SKOR2: variants seen among roughly 807,000 people sequenced by gnomAD.
SKOR2 encodes the protein SKI family transcriptional corepressor 2.
Under a neutral mutation model 69.1 loss-of-function variants are expected in SKOR2, and 47 were observed. The ratio of observed to expected loss-of-function variants is 0.68; its 90% CI spans 0.54 to 0.87. SKOR2 has a LOEUF of 0.87. SKOR2 is among the 40% of genes least tolerant of loss of function. The pLI is 0.00. For synonymous variants in SKOR2, 717 were observed against 672.6 expected (o/e 1.07, Z -1.02); for missense variants, 1,404 against 1,472.2 (o/e 0.95, Z 0.76).
At chr18:47,236,922 T>C (rs577982379) in intron 4 of SKOR2, among the ~76,000 whole-genome samples, 73 of 152,288 alleles carry the variant, frequency 4.8e-4, no homozygotes, top group African/African-American at 1.6e-3. Context: ...TTGTACCTGA[T>C]GTTCTAGTGT....
In SKOR2 at chr18:47,248,077, ACCCGCCCCCGCG is replaced by A. The variant is rs1225069091; in HGVS notation, c.1095_1106del (p.Gly371_Ala374del). 1.4e-6 allele frequency: 2 copies of A among 1,386,852 alleles called. No individual in the cohort carries two copies. The highest frequency in any genetic ancestry group is 9.3e-7 in the Non-Finnish European group (1 of 1,072,154). The allele number at this position is 1,386,852 out of a possible 1,614,324, so 85.9% of individuals were successfully genotyped here. On this transcript the variant is annotated inframe_deletion, in exon 2 of 9. Coordinates refer to ENST00000425639, the MANE Select transcript of SKOR2 (RefSeq NM_001278063.4). This position sits in a 1 kb window ranked among gnomAD's most constrained non-coding sequence, Gnocchi z 6.4. Reference sequence around the variant, plus strand: ...GCGGGCCTTTGGCCCCTGCCCCGGCACCCGCCCCCGCGCCCGCGCCCACGCCCACGCCGGCCA... The same window carrying A: ...GCGGGCCTTTGGCCCCTGCCCCGGCACCCGCGCCCACGCCCACGCCGGCCA...
intron 4 of SKOR2, among the ~76,000 whole-genome samples, chr18:47,238,546 C>T (rs1011171505): frequency 1.3e-5 from 2 of 152,122 alleles, no homozygotes; most frequent in African/African-American, 2.4e-5. Context: ...TGGTCTTGAA[C>T]TCCTGACCTC....
intron 2 of SKOR2, 129 bp from the exon 3 acceptor site, chr18:47,245,690 G>T: frequency 3.9e-6 from 3 of 761,666 alleles, no homozygotes; most frequent in Non-Finnish European, 5.9e-6. Flanking sequence ...ATTTTTTGAC[G>T]ATTATTCTTT....
intron 8 of SKOR2, among the ~76,000 whole-genome samples, chr18:47,209,933 T>TA (rs893419655): frequency 4.0e-5 from 6 of 151,770 alleles, no homozygotes; most frequent in Admixed American, 6.6e-5. Flanking sequence ...CTTTACAAAA[T>TA]AAAAAAAATT....
In SKOR2 at chr18:47,230,831, GC is replaced by G. The variant is rs1346425977; in HGVS notation, c.2818+103del. On this transcript the variant is annotated intron_variant, in intron 5 of 8. Transcript: ENST00000425639. ...ATGGTCCATATATTATTCATATGTT[GC>G]TTGTCAAGCTAAAAATATGGTGGAG... The G allele has an allele frequency of 4.4e-6, 5 of 1,135,018 alleles. No homozygotes were observed. The Admixed American group carries it at 1.1e-4, about 25-fold the overall frequency. 70.3% of individuals were successfully genotyped at this position (1,135,018 alleles called of 1,614,324 possible).
At chr18:47,209,689 G>C (rs950664147) in intron 8 of SKOR2, among the ~76,000 whole-genome samples, 7 of 152,042 alleles carry the variant, frequency 4.6e-5, no homozygotes, top group African/African-American at 1.7e-4. Flanking sequence ...GTAGTTTCTG[G>C]GCAGTGAGTC....
rs1457448436 is a variant in SKOR2 at position 47,245,562 on chromosome 18, CTG to C, written c.2614-3_2614-2del. The C allele has an allele frequency of 2.1e-6, 3 of 1,420,936 alleles. No homozygotes were observed. Among genetic ancestry groups the C allele is most frequent in the Non-Finnish European group, 1.8e-6 (2 of 1,087,176 alleles). The allele number at this position is 1,420,936 out of a possible 1,614,324, so 88.0% of individuals were successfully genotyped here. ...GGTTATTTTCCTTAGTTTTCTGACT[CTG>C]TGTGGAAAAGAATTAGACATACAAA... On this transcript the variant is annotated splice_acceptor_variant and splice_polypyrimidine_tract_variant and intron_variant, in intron 2 of 8. Coordinates refer to ENST00000425639, the MANE Select transcript of SKOR2 (RefSeq NM_001278063.4). LOFTEE classifies it high-confidence loss of function.
intron 6 of SKOR2, among the ~76,000 whole-genome samples, chr18:47,227,022 A>G (rs977877945): frequency 6.6e-6 from 1 of 152,122 alleles, no homozygotes; most frequent in Non-Finnish European, 1.5e-5. Context: ...CATCAGGGCT[A>G]TGCATAAGTA....
chr18:47,236,825 T>C (rs1032340818), intron 4 of SKOR2, among the ~76,000 whole-genome samples: 2 of 152,098 alleles, frequency 1.3e-5, no homozygotes, highest in Non-Finnish European at 1.5e-5. Flanking sequence ...TTTTCTTCCA[T>C]AAGGCTTTTT....
At chr18:47,216,777 A>G (rs2064145345) in intron 7 of SKOR2, among the ~76,000 whole-genome samples, 1 of 152,152 alleles carries the variant, frequency 6.6e-6, no homozygotes, top group Admixed American at 6.5e-5. Context: ...TGACTGCAAG[A>G]TAGAGTGGGC....
In SKOR2 at chr18:47,247,453, C is replaced by T. The variant is rs1243277401; in HGVS notation, c.1731G>A (p.Ala577=). The change falls in exon 2 of 9, where the codon GCG becomes GCA. Residue 577 remains alanine, a synonymous_variant. Transcript: ENST00000425639. This position sits in a 1 kb window ranked among gnomAD's most constrained non-coding sequence, Gnocchi z 6.6. ...GDCSAGSTPP[A]DSVAAAGAGA... is the part of the protein sequence containing the mutation. The stretch of plus-strand genomic sequence containing the variant: ...CTGCCCCGGCAGCTGCCACAGAGTC[C>T]GCGGGCGGCGTGGAGCCCGCGCTGC... The T allele has an allele frequency of 4.0e-6, 5 of 1,240,306 alleles. No homozygotes were observed. The highest frequency in any genetic ancestry group is 5.0e-6 in the Non-Finnish European group (5 of 993,194). 76.8% of individuals were successfully genotyped at this position (1,240,306 alleles called of 1,614,324 possible). A position where few individuals can be genotyped will look rare whatever the true frequency, so the allele number is the denominator to read the frequency against.
At chr18:47,212,955 C>T (rs1331625944) in intron 7 of SKOR2, among the ~76,000 whole-genome samples, 2 of 152,170 alleles carry the variant, frequency 1.3e-5, no homozygotes, top group Admixed American at 6.5e-5. Context: ...CAGAGCAAGA[C>T]CCCTTCTCTC....
At chr18:47,246,181 G>A (rs1335642733) in intron 2 of SKOR2, among the ~76,000 whole-genome samples, 1 of 152,184 alleles carries the variant, frequency 6.6e-6, no homozygotes, top group South Asian at 2.1e-4. Context: ...GAAGAAAAGG[G>A]GTAGGGTGAT....
chr18:47,248,421 G>C lies in SKOR2; in HGVS notation c.763C>G (p.Pro255Ala), dbSNP rs1419559587. ...GCGGCCGCCTTCACAGAGCTGAGCG[G>C]GTGGCAGGCGGGGTGCGCGCCCGGC... ...PQPGAHPACH[P>A]LSSVKAAAVA... The change falls in exon 2 of 9, where the codon CCG becomes GCG. Residue 255 changes from proline to alanine, a missense_variant. By Grantham distance (27) the Pro-to-Ala change is conservative (BLOSUM62 -1). Transcript: ENST00000425639. The surrounding 1 kb of genome is among the most constrained non-coding windows in gnomAD (Gnocchi z 6.4). The C allele has an allele frequency of 6.5e-7, 1 of 1,532,180 alleles. No homozygotes were observed. Among genetic ancestry groups the C allele is most frequent in the African/African-American group, 1.4e-5 (1 of 72,860 alleles). 94.9% of individuals were successfully genotyped at this position (1,532,180 alleles called of 1,614,324 possible). A position where few individuals can be genotyped will look rare whatever the true frequency, so the allele number is the denominator to read the frequency against.
At chr18:47,222,166 C>CA (rs1177231561) in intron 6 of SKOR2, among the ~76,000 whole-genome samples, 22 of 151,918 alleles carry the variant, frequency 1.4e-4, no homozygotes, top group African/African-American at 5.3e-4. Flanking sequence ...ACTAAAAATA[C>CA]AAAAAATTAT....
At chr18:47,224,620 C>CTT (rs528374569) in intron 6 of SKOR2, among the ~76,000 whole-genome samples, 90 of 148,436 alleles carry the variant, frequency 6.1e-4, no homozygotes, top group East Asian at 2.0e-3. Context: ...AACCATTGAA[C>CTT]TTTTTTTTTT....
At chr18:47,238,854 C>T (rs1484288614) in intron 4 of SKOR2, among the ~76,000 whole-genome samples, 1 of 152,206 alleles carries the variant, frequency 6.6e-6, no homozygotes, top group Admixed American at 6.5e-5. Flanking sequence ...TTGCATGCTG[C>T]TCCCAATGCA....
intron 6 of SKOR2, among the ~76,000 whole-genome samples, chr18:47,224,205 C>A (rs2064171038): frequency 1.3e-5 from 2 of 152,222 alleles, no homozygotes; most frequent in Non-Finnish European, 1.5e-5. Flanking sequence ...CCACGCCCGA[C>A]CATATTTTTT....
intron 8 of SKOR2, among the ~76,000 whole-genome samples, chr18:47,211,885 A>G (rs2064128904): frequency 6.6e-6 from 1 of 152,194 alleles, no homozygotes; most frequent in African/African-American, 2.4e-5. Flanking sequence ...GGAATTTTCC[A>G]TGGAATTTAT....
Sources: allele counts gnomAD v4.1 joint callset (sites outside exome capture counted in the v4.1 genomes callset), GRCh38; gene constraint gnomAD v4.1.1; non-coding constraint Gnocchi (gnomAD v3.1); transcripts MANE v1.5; gene names NCBI Gene and HGNC (gene_info 2026-07-23, HGNC 2026-07-21).